SRSF9: variants seen among roughly 807,000 people sequenced by gnomAD.
SRSF9 encodes serine/arginine-rich splicing factor 9.
Under a neutral mutation model 25.9 loss-of-function variants are expected in SRSF9, and 3 were observed. The observed-to-expected ratio is 0.12, with a 90% CI of 0.05 to 0.30. The LOEUF is 0.30. Among genes scored for constraint, SRSF9 ranks in the 10% least tolerant of loss-of-function variants. The probability of loss-of-function intolerance (pLI) is 1.00; values close to 1 mark genes in which losing one functional copy is unlikely to be tolerated. For missense variants in SRSF9, 161 were observed against 303.5 expected, an observed-to-expected ratio of 0.53 and a Z score of 3.49; for synonymous variants, 114 against 113.2, an observed-to-expected ratio of 1.01 and a Z score of -0.05.
intron 1 of SRSF9, among the ~76,000 whole-genome samples, chr12:120,466,712 T>C (rs1878489499): frequency 6.6e-6 from 1 of 152,046 alleles, no homozygotes; most frequent in Admixed American, 6.6e-5. Context: ...AATTTTTGGA[T>C]TTTTTGTAGA....
intron 3 of SRSF9, 165 bp from the exon 4 acceptor site, chr12:120,462,327 G>T (rs1878369217): frequency 1.0e-5 from 6 of 601,904 alleles, no homozygotes; most frequent in Non-Finnish European, 1.3e-5. Context: ...TATGAGGTAG[G>T]TACTCTTACT....
intron 1 of SRSF9, among the ~76,000 whole-genome samples, chr12:120,467,272 G>A (rs1440863576): frequency 2.0e-5 from 3 of 152,156 alleles, no homozygotes; most frequent in African/African-American, 7.2e-5. Flanking sequence ...ACTTTGGGAG[G>A]TGGATCACTT....
chr12:120,469,134 C>T (rs1485807439), intron 1 of SRSF9, among the ~76,000 whole-genome samples: 1 of 152,322 alleles, frequency 6.6e-6, no homozygotes, highest in East Asian at 1.9e-4. Context: ...TTTGGACCCC[C>T]CGAGGCCGGT....
At chr12:120,463,228 T>C (rs1391545776) in intron 3 of SRSF9, 1 of 152,074 alleles carries the variant, frequency 6.6e-6, no homozygotes, top group Non-Finnish European at 1.5e-5. Context: ...AGGAAAGACA[T>C]CAAGAACTAC....
rs758330684 is a variant in SRSF9, at chr12:120,463,956, A to T, written c.516T>A (p.Ser172=). 4 of 1,608,760 alleles carry T rather than the reference A, an allele frequency of 2.5e-6. No homozygotes were observed. The highest frequency in any genetic ancestry group is 2.5e-6 in the Non-Finnish European group (3 of 1,177,182). ...ACAGAAGGCAAGGACCCACCTCATGAGAGCGGAATTTGGTGTCATCCAGTT... is the reference window on the plus strand; with the variant it reads ...ACAGAAGGCAAGGACCCACCTCATGTGAGCGGAATTTGGTGTCATCCAGTT... ...LRKLDDTKFR[S]HEGETSYIRV... is the part of the protein sequence containing the mutation. The change falls in exon 3 of 4, where the codon TCT becomes TCA. Residue 172 remains serine, a synonymous_variant. Coordinates refer to ENST00000229390, the MANE Select transcript of SRSF9 (RefSeq NM_003769.3).
intron 1 of SRSF9, among the ~76,000 whole-genome samples, chr12:120,467,204 G>C (rs1296799808): frequency 1.3e-5 from 2 of 151,970 alleles, no homozygotes; most frequent in Non-Finnish European, 2.9e-5. Flanking sequence ...GAACAACTCT[G>C]AATAAAAACT....
At position 120,464,022 on chromosome 12, in the gene SRSF9, G is replaced by A. The variant is rs780382015; in HGVS notation, c.450C>T (p.Val150=). 2.4e-5 allele frequency: 38 copies of A among 1,614,012 alleles called. No individual in the cohort carries two copies. Among genetic ancestry groups the A allele is most frequent in the Admixed American group, 1.5e-4 (9 of 59,994 alleles). ...ADVQKDGVGM[V]EYLRKEDMEY... ...CCATGTCTTCTTTTCTGAGATACTC[G>A]ACCATCCCCACTCCATCCTTCTGCA... The change falls in exon 3 of 4, where the codon GTC becomes GTT. Residue 150 remains valine (V), a synonymous_variant. Transcript: ENST00000229390.
chr12:120,465,839 G>A, intron 1 of SRSF9, 52 bp from the exon 2 acceptor site: 1 of 1,527,084 alleles, frequency 6.5e-7, no homozygotes, highest in Non-Finnish European at 8.7e-7. Flanking sequence ...TGCTGTTCAG[G>A]AGGCCAAGTG....
At chr12:120,469,274 C>T (rs1260891285) in intron 1 of SRSF9, 148 bp downstream of exon 1, 6 of 527,564 alleles carry the variant, frequency 1.1e-5, no homozygotes, top group Non-Finnish European at 2.0e-5. Context: ...CTGCCTCATC[C>T]TCCACCCGTG....
intron 1 of SRSF9, among the ~76,000 whole-genome samples, chr12:120,467,549 CT>C (rs1808665975): frequency 6.6e-6 from 1 of 152,116 alleles, no homozygotes; most frequent in Non-Finnish European, 1.5e-5. Flanking sequence ...AATCACTATT[CT>C]GCAAATTACT....
chr12:120,466,460 C>A (rs894568297), intron 1 of SRSF9, among the ~76,000 whole-genome samples: 6 of 152,016 alleles, frequency 3.9e-5, no homozygotes, highest in African/African-American at 1.2e-4. Context: ...TATAGTGAGA[C>A]CCGGTCTTTT....
rs1878595108 is a variant in SRSF9, at chr12:120,469,705, C to T, written c.-96G>A. ...CAGCGTCCCCGCGGGCTCCGAGGCGCTCAGCCGCACTGCATTGTGGGAACG... is the reference window on the plus strand; with the variant it reads ...CAGCGTCCCCGCGGGCTCCGAGGCGTTCAGCCGCACTGCATTGTGGGAACG... On this transcript the variant is annotated 5_prime_UTR_variant, in exon 1 of 4. Transcript: ENST00000229390. 1 of 714,140 alleles carries T rather than the reference C, an allele frequency of 1.4e-6. No homozygotes were observed. The highest frequency in any genetic ancestry group is 4.8e-5 in the Admixed American group (1 of 20,752). The allele number at this position is 714,140 out of a possible 1,614,324, so 44.2% of individuals were successfully genotyped here.
chr12:120,467,038 C>G (rs1878497168), intron 1 of SRSF9, among the ~76,000 whole-genome samples: 1 of 152,094 alleles, frequency 6.6e-6, no homozygotes, highest in Non-Finnish European at 1.5e-5. Context: ...CTTGGGTGGA[C>G]AAGAGGAGCT....
chr12:120,467,526 T>G (rs1488547099), intron 1 of SRSF9, among the ~76,000 whole-genome samples: 1 of 151,972 alleles, frequency 6.6e-6, no homozygotes, highest in African/African-American at 2.4e-5. Flanking sequence ...TAAATAAAAT[T>G]AGCCTGCATT....
chr12:120,461,979 G>C lies in SRSF9; in HGVS notation c.*40C>G. ...TAGATTCTGAGCACAAAGCAGCTCA[G>C]TTAACCTAAAAAATAAAGAAAAAAT... On this transcript the variant is annotated 3_prime_UTR_variant, in exon 4 of 4. Transcript: ENST00000229390. The C allele has an allele frequency of 6.4e-7, 1 of 1,572,464 alleles. No homozygotes were observed. The highest frequency in any genetic ancestry group is 1.2e-5 in the South Asian group (1 of 85,574).
intron 1 of SRSF9, among the ~76,000 whole-genome samples, chr12:120,468,717 A>G (rs190472286): frequency 6.6e-6 from 1 of 152,284 alleles, no homozygotes; most frequent in African/African-American, 2.4e-5. Flanking sequence ...TTCCGGCCTG[A>G]GGGCCGACGC....
chr12:120,463,731 A>T (rs1232539288), intron 3 of SRSF9: 2 of 497,014 alleles, frequency 4.0e-6, no homozygotes, highest in Non-Finnish European at 7.1e-6. Context: ...ATGCAGAATA[A>T]AGCATATTAA....
chr12:120,465,008 C>T (rs1047912864), intron 2 of SRSF9: 2 of 152,116 alleles, frequency 1.3e-5, no homozygotes, highest in African/African-American at 4.8e-5. Context: ...AAAAAGGTGC[C>T]AGGCTCCTCG....
chr12:120,469,279 C>G (rs1161782967), intron 1 of SRSF9, 143 bp downstream of exon 1: 2 of 538,976 alleles, frequency 3.7e-6, no homozygotes, highest in Non-Finnish European at 6.4e-6. Flanking sequence ...TCATCCTCCA[C>G]CCGTGAGGGG....
Sources: gnomAD v4.1 joint callset for allele counts (sites outside exome capture counted in the v4.1 genomes callset) on GRCh38, gnomAD v4.1.1 for gene constraint, MANE v1.5 for transcripts, NCBI Gene and HGNC (gene_info 2026-07-23, HGNC 2026-07-21) for gene names.